The following WDR64 variants were observed in gnomAD, a reference collection of about 807,000 sequenced individuals.
The protein encoded by WDR64 is WD repeat domain 64.
Under a neutral mutation model 139.3 loss-of-function variants are expected in WDR64, and 112 were observed. The ratio of observed to expected loss-of-function variants is 0.80; its 90% CI spans 0.69 to 0.94. WDR64 has a LOEUF of 0.94. WDR64 is among the 40% of genes least tolerant of loss of function. The pLI, the probability that WDR64 is intolerant of heterozygous loss-of-function variation, is 0.00. For missense variants in WDR64, 1,206 were observed against 1,293.1 expected (o/e 0.93, Z 1.03); for synonymous variants, 444 against 437.7 (o/e 1.01, Z -0.18).
intron 13 of WDR64, among the ~76,000 whole-genome samples, chr1:241,746,952 G>A (rs1669782975): frequency 6.6e-6 from 1 of 152,044 alleles, no homozygotes; most frequent in Non-Finnish European, 1.5e-5. Flanking sequence ...TAGAGACAGG[G>A]TTTTGCTATG....
chr1:241,775,197 G>T lies in WDR64; in HGVS notation c.2523G>T (p.Leu841=). The change falls in exon 21 of 28, where the codon CTG becomes CTT. Residue 841 remains leucine (L), a synonymous_variant. Coordinates refer to ENST00000437684, the MANE Select transcript of WDR64 (RefSeq NM_001367482.1). ...CTGATTCATGTACGAGGATACTACT[G>T]GCTGGAAATGTGGGTGAGTCATTAC... ...LYTDSCTRIL[L]AGNVEGHVIL... is the part of the protein sequence containing the mutation. 1 of 1,549,826 alleles carries T rather than the reference G, an allele frequency of 6.5e-7. No individual in the cohort carries two copies. The highest frequency in any genetic ancestry group is 8.7e-7 in the Non-Finnish European group (1 of 1,146,604).
chr1:241,672,112 T>C (rs774371889), intron 3 of WDR64, among the ~76,000 whole-genome samples: 11 of 152,002 alleles, frequency 7.2e-5, no homozygotes, highest in South Asian at 2.1e-4. Flanking sequence ...GAGGTGGAGA[T>C]TGCAGTGAGC....
In WDR64 at chr1:241,703,671, T is replaced by C. The variant is rs567747159; in HGVS notation, c.975-8131T>C. 1.3e-5 allele frequency among the ~76,000 whole-genome samples: 2 copies of C among 152,164 alleles called. No individual in the cohort carries two copies. The highest frequency in any genetic ancestry group is 2.9e-5 in the Non-Finnish European group (2 of 68,032). On this transcript the variant is annotated intron_variant, in intron 8 of 27. Transcript: ENST00000437684. This position sits in a 1 kb window ranked among gnomAD's most constrained non-coding sequence, Gnocchi z 5.9. ...ATTATTTATTGGGAGCCTTCTATAT[T>C]CAAAGAACCGTTGTGTATTAATCCA...
chr1:241,681,289 G>C (rs1237729749), intron 6 of WDR64, among the ~76,000 whole-genome samples: 10 of 151,968 alleles, frequency 6.6e-5, no homozygotes, highest in African/African-American at 1.7e-4. Flanking sequence ...CTTTTCCCCA[G>C]AGTCCCCAAA....
At chr1:241,762,634 A>T (rs919178153) in intron 15 of WDR64, among the ~76,000 whole-genome samples, 1 of 152,214 alleles carries the variant, frequency 6.6e-6, no homozygotes, top group Non-Finnish European at 1.5e-5. Context: ...GTGGTCAGAC[A>T]CTAAAGAATG....
intron 25 of WDR64, among the ~76,000 whole-genome samples, chr1:241,792,045 C>G (rs1416411133): frequency 1.3e-5 from 2 of 152,148 alleles, no homozygotes; most frequent in Non-Finnish European, 2.9e-5. Flanking sequence ...ACAAAATAAA[C>G]CAAAAGAACC....
intron 8 of WDR64, among the ~76,000 whole-genome samples, 196 bp from the exon 9 acceptor site, chr1:241,711,606 C>T (rs541715045): frequency 6.6e-5 from 10 of 152,204 alleles, no homozygotes; most frequent in East Asian, 3.9e-4. Flanking sequence ...AAGTACTACG[C>T]GAATATCACC....
intron 8 of WDR64, among the ~76,000 whole-genome samples, chr1:241,689,859 A>G (rs1205173861): frequency 6.6e-6 from 1 of 152,216 alleles, no homozygotes; most frequent in Non-Finnish European, 1.5e-5. Context: ...GTAGCTGAGG[A>G]AAGAATTTAT....
intron 8 of WDR64, among the ~76,000 whole-genome samples, chr1:241,690,717 A>C (rs1667188216): frequency 6.6e-6 from 1 of 152,190 alleles, no homozygotes; most frequent in South Asian, 2.1e-4. Flanking sequence ...CTATCAGTAT[A>C]CCTGCTTTTC....
chr1:241,740,595 G>A (rs1030345039), intron 11 of WDR64, among the ~76,000 whole-genome samples: 4 of 151,244 alleles, frequency 2.6e-5, no homozygotes, highest in Non-Finnish European at 4.4e-5. Context: ...TCTTTACATC[G>A]ATAAAATCAG....
chr1:241,710,077 GA>G (rs1300959352), intron 8 of WDR64, among the ~76,000 whole-genome samples: 1 of 150,790 alleles, frequency 6.6e-6, no homozygotes, highest in Non-Finnish European at 1.5e-5. Flanking sequence ...AAAAAAAAAA[GA>G]AAAACATGTA....
At chr1:241,747,093 C>A (rs61825850) in intron 13 of WDR64, among the ~76,000 whole-genome samples, 10,283 of 152,174 alleles carry the variant, frequency 0.068, 365 homozygotes, top group South Asian at 0.14. Flanking sequence ...AGTAAGATGT[C>A]TTCAAAATGA....
chr1:241,714,604 A>C (rs1417922987), intron 9 of WDR64, among the ~76,000 whole-genome samples: 6 of 152,122 alleles, frequency 3.9e-5, no homozygotes, highest in African/African-American at 1.4e-4. Context: ...TTTTTTTTCA[A>C]GTACACTGTG....
intron 9 of WDR64, among the ~76,000 whole-genome samples, chr1:241,721,772 T>G (rs866512570): frequency 4.6e-5 from 7 of 152,192 alleles, no homozygotes; most frequent in African/African-American, 1.7e-4. Flanking sequence ...GATTACAGTT[T>G]TTATTCTTTT....
intron 14 of WDR64, among the ~76,000 whole-genome samples, chr1:241,754,721 G>A (rs1293262952): frequency 6.6e-6 from 1 of 150,790 alleles, no homozygotes; most frequent in East Asian, 2.0e-4. Flanking sequence ...TGCTCCCCTA[G>A]CCCCCCACCC....
At chr1:241,732,471 C>A (rs565254939) in intron 10 of WDR64, among the ~76,000 whole-genome samples, 176 of 152,220 alleles carry the variant, frequency 1.2e-3, no homozygotes, top group African/African-American at 4.0e-3. Flanking sequence ...AATGTTGTAT[C>A]TTCTTATAAA....
intron 27 of WDR64, among the ~76,000 whole-genome samples, chr1:241,799,417 AATTTT>A (rs1659463208): frequency 6.6e-6 from 1 of 151,770 alleles, no homozygotes; most frequent in African/African-American, 2.4e-5. Flanking sequence ...AAATTATCAC[AATTTT>A]ATTTTAGGTG....
In WDR64 at chr1:241,711,934, C is replaced by T. The variant is rs571664092; in HGVS notation, c.1054+53C>T. ...GGTTTTCTACTTTGCAAACATCGTTCTCTTCGAGTTTTGGTGCTAGGAAGA... is the reference window on the plus strand; with the variant it reads ...GGTTTTCTACTTTGCAAACATCGTTTTCTTCGAGTTTTGGTGCTAGGAAGA... On this transcript the variant is annotated intron_variant, in intron 9 of 27. Transcript: ENST00000437684. The T allele has an allele frequency of 9.0e-6, 14 of 1,558,922 alleles. No homozygotes were observed. The African/African-American group carries it at 1.5e-4, about 17-fold the overall frequency.
intron 6 of WDR64, among the ~76,000 whole-genome samples, chr1:241,681,673 C>T (rs1445281125): frequency 1.3e-5 from 2 of 152,218 alleles, no homozygotes; most frequent in East Asian, 3.9e-4. Flanking sequence ...GGTAGTTCTA[C>T]TTTTAGTTCT....
Sources: allele counts gnomAD v4.1 joint callset (sites outside exome capture counted in the v4.1 genomes callset), GRCh38; gene constraint gnomAD v4.1.1; non-coding constraint Gnocchi (gnomAD v3.1); transcripts MANE v1.5; gene names NCBI Gene and HGNC (gene_info 2026-07-23, HGNC 2026-07-21).